The following RNF17 variants were observed in gnomAD, a reference collection of about 807,000 sequenced individuals.
RNF17 encodes the protein spermatogenesis associated 23.
In RNF17, 31 loss-of-function variants were observed where a neutral mutation model predicts 200.5. That is an observed-to-expected ratio of 0.15 (90% CI 0.12 to 0.21). The LOEUF is 0.21. RNF17 is among the 10% of genes least tolerant of loss of function. The probability of loss-of-function intolerance (pLI) is 1.00; values close to 1 mark genes in which losing one functional copy is unlikely to be tolerated. For missense variants in RNF17, 1,628 were observed against 1,905.1 expected (o/e 0.85, Z 2.71); for synonymous variants, 606 against 637.8 (o/e 0.95, Z 0.75).
chr13:24,832,739 T>C (rs1419448959), intron 18 of RNF17, among the ~76,000 whole-genome samples: 1 of 151,996 alleles, frequency 6.6e-6, no homozygotes, highest in Admixed American at 6.6e-5. Context: ...ATTGGGAATC[T>C]GGTTTGGTTT....
chr13:24,852,955 C>T (rs1193320248), intron 24 of RNF17, among the ~76,000 whole-genome samples: 2 of 152,092 alleles, frequency 1.3e-5, no homozygotes, highest in African/African-American at 4.8e-5. Flanking sequence ...ATTCTGTTGC[C>T]CAGGCTTGAG....
intron 34 of RNF17, among the ~76,000 whole-genome samples, chr13:24,878,854 TAAC>T (rs1247632639): frequency 5.9e-5 from 9 of 152,076 alleles, no homozygotes; most frequent in Non-Finnish European, 1.3e-4. Context: ...CCAGCCAAGT[TAAC>T]AACTAATATT....
intron 15 of RNF17, among the ~76,000 whole-genome samples, chr13:24,818,594 T>C (rs1252836746): frequency 1.3e-5 from 2 of 152,204 alleles, no homozygotes; most frequent in Admixed American, 1.3e-4. Flanking sequence ...ATAATTGTTA[T>C]ATCTTACTGG....
chr13:24,788,108 A>C lies in RNF17; in HGVS notation c.732A>C (p.Ala244=). The C allele has an allele frequency of 6.3e-7, 1 of 1,597,014 alleles. No individual in the cohort carries two copies. The highest frequency in any genetic ancestry group is 8.5e-7 in the Non-Finnish European group (1 of 1,175,386). Residue 244 remains alanine, a synonymous_variant, in exon 7 of 36, where the codon GCA becomes GCC. Coordinates refer to ENST00000255324, the MANE Select transcript of RNF17 (RefSeq NM_031277.3). ...ATTTGAATGCAGCTATGAACATAGC[A>C]AGAGCATTACAATTATCGCCTTCTC... ...KNNLNAAMNI[A]RALQLSPSLR...
At chr13:24,829,804 G>A (rs9511466) in intron 16 of RNF17, among the ~76,000 whole-genome samples, 35,075 of 152,128 alleles carry the variant, frequency 0.23, 4,519 homozygotes, top group Non-Finnish European at 0.29. Flanking sequence ...TTTCTTTAAA[G>A]TATAGAGAAT....
In RNF17 at chr13:24,779,590, T is replaced by C. The variant is rs946395104; in HGVS notation, c.430-77T>C. 11 of 1,126,564 alleles carry C rather than the reference T, an allele frequency of 9.8e-6. No homozygotes were observed. The African/African-American group carries it at 1.7e-4, about 18-fold the overall frequency. The allele number at this position is 1,126,564 out of a possible 1,614,324, so 69.8% of individuals were successfully genotyped here. A position where few individuals can be genotyped will look rare whatever the true frequency, so the allele number is the denominator to read the frequency against. ...TAACCAAAACGGTAGCCTGAATTTT[T>C]TGCAACTATAATATATATATGTCTA... On this transcript the variant is annotated intron_variant, in intron 4 of 35. Transcript: ENST00000255324.
At chr13:24,793,436 A>C in intron 10 of RNF17, 90 bp downstream of exon 10, 3 of 1,173,192 alleles carry the variant, frequency 2.6e-6, no homozygotes, top group Non-Finnish European at 3.6e-6. Flanking sequence ...TTTAACAGAA[A>C]TATAATTGCT....
chr13:24,778,430 G>C (rs776084708), intron 4 of RNF17, 24 bp downstream of exon 4: 1 of 1,444,348 alleles, frequency 6.9e-7, no homozygotes, highest in Admixed American at 1.7e-5. Context: ...TGGTCATGAA[G>C]TACGATGAAG....
chr13:24,805,251 G>A (rs572680047), intron 15 of RNF17, among the ~76,000 whole-genome samples: 57 of 152,226 alleles, frequency 3.7e-4, no homozygotes, highest in Non-Finnish European at 7.6e-4. Flanking sequence ...TAATTGTTCA[G>A]TGTACCATTC....
rs1021556187 is a variant in RNF17 at position 24,824,345 on chromosome 13, G to A, written c.2092-1274G>A. 9.3e-6 allele frequency: 5 copies of A among 539,906 alleles called. No individual in the cohort carries two copies. The African/African-American group carries it at 9.6e-5, about 10-fold the overall frequency. The allele number at this position is 539,906 out of a possible 1,614,324, so 33.4% of individuals were successfully genotyped here. ...GTTCACTCTGGCTTACCTGTTAATG[G>A]AAGAATTTGCATAATATCTACTTAG... On this transcript the variant is annotated intron_variant, in intron 15 of 35. Transcript: ENST00000255324.
chr13:24,814,293 G>A lies in RNF17; in HGVS notation c.2091+9864G>A, dbSNP rs115024138. Among the ~76,000 whole-genome samples, 1,141 of 152,272 alleles carry A rather than the reference G, an allele frequency of 7.5e-3. 15 individuals are homozygous for A. Among genetic ancestry groups the A allele is most frequent in the African/African-American group, 0.025 (1,052 of 41,554 alleles). On this transcript the variant is annotated intron_variant, in intron 15 of 35. Transcript: ENST00000255324. ...AATTGGAACTGCGTAGTTCAAAGGCGTGTTCCAAGGCTGGCTGTATTTTCT... is the reference window on the plus strand; with the variant it reads ...AATTGGAACTGCGTAGTTCAAAGGCATGTTCCAAGGCTGGCTGTATTTTCT...
At chr13:24,831,167 G>C (rs1393118676) in intron 17 of RNF17, among the ~76,000 whole-genome samples, 1 of 152,062 alleles carries the variant, frequency 6.6e-6, no homozygotes, top group Non-Finnish European at 1.5e-5. Context: ...CAGGTTGGGC[G>C]CAGTGGCTCA....
chr13:24,874,386 A>G (rs1358912783), intron 33 of RNF17, 137 bp downstream of exon 33: 1 of 663,762 alleles, frequency 1.5e-6, no homozygotes, highest in Non-Finnish European at 2.3e-6. Flanking sequence ...TTTTCGTGTT[A>G]AAGTATACAT....
intron 15 of RNF17, among the ~76,000 whole-genome samples, chr13:24,810,852 C>G (rs1336760082): frequency 1.3e-5 from 2 of 149,148 alleles, no homozygotes; most frequent in Admixed American, 6.6e-5. Flanking sequence ...GACAAAATCT[C>G]TCAGCATTTG....
At chr13:24,824,023 A>T (rs1469575696) in intron 15 of RNF17, among the ~76,000 whole-genome samples, 1 of 152,228 alleles carries the variant, frequency 6.6e-6, no homozygotes, top group African/African-American at 2.4e-5. Flanking sequence ...CCTCTGGTTC[A>T]GGGGAGGGAA....
downstream of RNF17, among the ~76,000 whole-genome samples, chr13:24,880,302 C>T (rs1165458325): frequency 1.3e-5 from 2 of 152,168 alleles, no homozygotes; most frequent in South Asian, 4.1e-4. Flanking sequence ...AACTCACTAG[C>T]ATGAGAACAG....
At chr13:24,853,802 C>A in intron 24 of RNF17, 53 bp from the exon 25 acceptor site, 1 of 1,338,584 alleles carries the variant, frequency 7.5e-7, no homozygotes. Flanking sequence ...GTTGTTTTAC[C>A]CAGAATTTTA....
chr13:24,884,007 T>C (rs769371387), downstream of RNF17: 1 of 1,614,016 alleles, frequency 6.2e-7, no homozygotes, highest in Non-Finnish European at 8.5e-7. Flanking sequence ...TGCTTTCTTC[T>C]TGTCCATCAG....
At chr13:24,824,879 T>G (rs1426585521) in intron 15 of RNF17, among the ~76,000 whole-genome samples, 3 of 152,164 alleles carry the variant, frequency 2.0e-5, no homozygotes, top group Admixed American at 1.3e-4. Context: ...CATTAAGTAT[T>G]AGGCCTTGAT....
Sources: gnomAD v4.1 joint callset for allele counts (sites outside exome capture counted in the v4.1 genomes callset) on GRCh38, gnomAD v4.1.1 for gene constraint, MANE v1.5 for transcripts, NCBI Gene and HGNC (gene_info 2026-07-23, HGNC 2026-07-21) for gene names.